The following WDR37 variants were observed in gnomAD, a reference collection of about 807,000 sequenced individuals.
WDR37 encodes WD repeat domain 37.
In WDR37, 19 loss-of-function variants were observed where a neutral mutation model predicts 62.9. That is an observed-to-expected ratio of 0.30 (90% CI 0.21 to 0.44). WDR37 has a LOEUF of 0.44. Among genes scored for constraint, WDR37 ranks in the 20% least tolerant of loss-of-function variants. The pLI is 1.00. For missense variants in WDR37, 474 were observed against 657.6 expected (o/e 0.72, Z 3.05); for synonymous variants, 250 against 260.9 (o/e 0.96, Z 0.40).
rs1360890664 is a variant in WDR37 at position 1,112,963 on chromosome 10, A to G, written c.1103+7696A>G. Reference sequence around the variant, plus strand: ...AAGATCCAGCTGGGATCATCGATGAAGATGACTATGTTTAATAACAGATTT... The same window carrying G: ...AAGATCCAGCTGGGATCATCGATGAGGATGACTATGTTTAATAACAGATTT... On this transcript the variant is annotated intron_variant, in intron 11 of 13. Transcript: ENST00000263150. Among the ~76,000 whole-genome samples the G allele has an allele frequency of 2.0e-5, 3 of 152,264 alleles. No homozygotes were observed. The East Asian group carries it at 5.8e-4, about 29-fold the overall frequency.
chr10:1,076,771 A>G (rs1833890776), intron 2 of WDR37, among the ~76,000 whole-genome samples: 1 of 151,234 alleles, frequency 6.6e-6, no homozygotes, highest in African/African-American at 2.4e-5. Flanking sequence ...AGCCAGGCAC[A>G]GTGGCTCACG....
Position 1,103,984 on chromosome 10 carries a change from A to G in WDR37, c.961+148A>G. 6 of 769,668 alleles carry G rather than the reference A, an allele frequency of 7.8e-6. No individual in the cohort carries two copies. The South Asian group carries it at 1.1e-4, about 14-fold the overall frequency. 47.7% of individuals were successfully genotyped at this position (769,668 alleles called of 1,614,324 possible). On this transcript the variant is annotated intron_variant, in intron 10 of 13. Transcript: ENST00000263150. This position sits in a 1 kb window ranked among gnomAD's most constrained non-coding sequence, Gnocchi z 6.3. ...GTGGTAATTTTTGGAGATTCTTTCT[A>G]TTAATAATAGAACTATTGGTAGCTA...
intron 11 of WDR37, among the ~76,000 whole-genome samples, chr10:1,112,874 C>T (rs1332335103): frequency 6.6e-6 from 1 of 152,192 alleles, no homozygotes; most frequent in Non-Finnish European, 1.5e-5. Flanking sequence ...AAGCCGTCTC[C>T]ATAACATGAG....
At chr10:1,093,590 C>A in intron 8 of WDR37, 94 bp downstream of exon 8, 1 of 1,069,856 alleles carries the variant, frequency 9.3e-7, no homozygotes, top group Non-Finnish European at 1.4e-6. Flanking sequence ...TAATCCATGG[C>A]TTTTATGAAA....
intron 1 of WDR37, among the ~76,000 whole-genome samples, chr10:1,070,596 A>G (rs1833697732): frequency 6.6e-6 from 1 of 152,180 alleles, no homozygotes; most frequent in African/African-American, 2.4e-5. Flanking sequence ...ATAAGTGACA[A>G]TATTTTCTCT....
chr10:1,082,152 A>G (rs1834046949), intron 5 of WDR37, among the ~76,000 whole-genome samples: 1 of 152,250 alleles, frequency 6.6e-6, no homozygotes, highest in South Asian at 2.1e-4. Context: ...GTAACAGAAT[A>G]TATTCTGATT....
At chr10:1,081,862 A>G (rs569654338) in intron 5 of WDR37, among the ~76,000 whole-genome samples, 32 of 152,300 alleles carry the variant, frequency 2.1e-4, no homozygotes, top group African/African-American at 7.0e-4. Context: ...CTTTCTCATT[A>G]TTACTGAAGT....
intron 11 of WDR37, among the ~76,000 whole-genome samples, chr10:1,110,648 G>T (rs1158902329): frequency 1.4e-4 from 22 of 152,254 alleles, no homozygotes; most frequent in Admixed American, 1.4e-3. Context: ...TTGTGTGTGT[G>T]TGTTCCGTTT....
intron 11 of WDR37, among the ~76,000 whole-genome samples, chr10:1,119,879 G>C (rs1344755382): frequency 1.3e-5 from 2 of 152,228 alleles, no homozygotes; most frequent in Non-Finnish European, 2.9e-5. Context: ...TCTGCCGAGA[G>C]GGGTTTGGAG....
At chr10:1,094,265 T>A in intron 8 of WDR37, among the ~76,000 whole-genome samples, 1 of 152,240 alleles carries the variant, frequency 6.6e-6, no homozygotes, top group Admixed American at 6.5e-5. Flanking sequence ...TGAGTGGACA[T>A]GGCTGTGTCC....
chr10:1,069,390 T>TATATATATATATATATATATA (rs1491098746), intron 1 of WDR37, among the ~76,000 whole-genome samples: 21 of 47,074 alleles, frequency 4.5e-4, no homozygotes, highest in Admixed American at 1.0e-3. Flanking sequence ...TATATATATA[T>TATATATATATATATATATATA]TTTTTTTTTT....
chr10:1,068,891 G>A (rs1564496800), intron 1 of WDR37, among the ~76,000 whole-genome samples: 1 of 152,202 alleles, frequency 6.6e-6, no homozygotes, highest in South Asian at 2.1e-4. Context: ...CTACAACATA[G>A]ATGGACTTTG....
At chr10:1,057,992 A>G (rs748585040) in intron 1 of WDR37, among the ~76,000 whole-genome samples, 2 of 151,456 alleles carry the variant, frequency 1.3e-5, no homozygotes, top group Non-Finnish European at 2.9e-5. Flanking sequence ...ACCCCAGCAG[A>G]CACACACACT....
chr10:1,069,389 A>ATATATATTTTTTTT, intron 1 of WDR37, among the ~76,000 whole-genome samples: 5 of 95,802 alleles, frequency 5.2e-5, no homozygotes, highest in African/African-American at 2.3e-4. Context: ...ATATATATAT[A>ATATATATTTTTTTT]TTTTTTTTTT....
intron 11 of WDR37, among the ~76,000 whole-genome samples, chr10:1,116,696 A>C (rs899077824): frequency 6.6e-6 from 1 of 152,210 alleles, no homozygotes; most frequent in Non-Finnish European, 1.5e-5. Context: ...TGGCCTGAGT[A>C]TGGTGCAGAT....
chr10:1,069,206 G>C (rs565670175), intron 1 of WDR37, among the ~76,000 whole-genome samples: 2 of 151,852 alleles, frequency 1.3e-5, no homozygotes, highest in East Asian at 3.9e-4. Flanking sequence ...TGTGTGAATC[G>C]TATATCAAGA....
chr10:1,101,612 C>T (rs1042260099), intron 9 of WDR37, among the ~76,000 whole-genome samples: 13 of 152,142 alleles, frequency 8.5e-5, no homozygotes, highest in South Asian at 6.2e-4. Context: ...CAGCACACAC[C>T]GGGCATCACA....
intron 6 of WDR37, 70 bp downstream of exon 6, chr10:1,084,608 C>T: frequency 1.9e-6 from 3 of 1,577,754 alleles, no homozygotes; most frequent in East Asian, 2.3e-5. Context: ...GATGGACATT[C>T]ACTTTTCTGT....
intron 11 of WDR37, among the ~76,000 whole-genome samples, chr10:1,113,950 CTTTTTT>C (rs56654628): frequency 9.2e-5 from 7 of 76,196 alleles, no homozygotes; most frequent in South Asian, 5.9e-4. Context: ...GGTAAAATGC[CTTTTTT>C]TTTTTTTTTT....
Sources: allele counts gnomAD v4.1 joint callset (sites outside exome capture counted in the v4.1 genomes callset), GRCh38; gene constraint gnomAD v4.1.1; non-coding constraint Gnocchi (gnomAD v3.1); transcripts MANE v1.5; gene names NCBI Gene and HGNC (gene_info 2026-07-23, HGNC 2026-07-21).